Variants in LRP2BP observed in about 807,000 individuals in gnomAD.
LRP2BP encodes the protein LRP2-binding protein.
Under a neutral mutation model 45.2 loss-of-function variants are expected in LRP2BP, and 38 were observed. The ratio of observed to expected loss-of-function variants is 0.84; its 90% CI spans 0.65 to 1.10. The LOEUF (loss-of-function observed/expected upper bound fraction) is 1.10, where lower values mean the gene tolerates loss of function less well. Ranked by LOEUF, LRP2BP falls within the 50% of genes least tolerant of loss-of-function variation. The probability of loss-of-function intolerance (pLI) is 0.00; values close to 1 mark genes in which losing one functional copy is unlikely to be tolerated. For missense variants in LRP2BP, 385 were observed against 418.9 expected (o/e 0.92, Z 0.71); for synonymous variants, 153 against 153.9 (o/e 0.99, Z 0.04).
intron 7 of LRP2BP, among the ~76,000 whole-genome samples, chr4:185,371,493 G>T (rs1027154388): frequency 7.3e-6 from 1 of 137,888 alleles, no homozygotes; most frequent in African/African-American, 2.7e-5. Context: ...AGTGAGCCGA[G>T]ATCGCACCAC....
chr4:185,364,991 T>A lies in LRP2BP; in HGVS notation c.*2189A>T, dbSNP rs2095381094. ...TCCATGAGATATCAGCTACAAGGAA[T>A]CTTAGAGAAGGAGTGTGTGTGTGTG... On this transcript the variant is annotated 3_prime_UTR_variant, in exon 9 of 9. Coordinates refer to ENST00000505916, the MANE Select transcript of LRP2BP (RefSeq NM_001377440.1). 1 of 149,746 alleles carries A rather than the reference T, an allele frequency of 6.7e-6. No individual in the cohort carries two copies. The highest frequency in any genetic ancestry group is 1.9e-4 in the East Asian group (1 of 5,136). 9.3% of individuals were successfully genotyped at this position (149,746 alleles called of 1,614,324 possible).
chr4:185,390,835 C>A (rs998523990), intron 1 of LRP2BP: 1 of 152,200 alleles, frequency 6.6e-6, no homozygotes, highest in African/African-American at 2.4e-5. Context: ...TTGAGATGTA[C>A]AGAAAAGCTG....
chr4:185,396,076 G>C (rs894884367), upstream of LRP2BP: 2 of 180,868 alleles, frequency 1.1e-5, no homozygotes, highest in Non-Finnish European at 2.1e-5. Flanking sequence ...CCGCTCTCCC[G>C]GGAGGAGAGC....
intron 1 of LRP2BP, among the ~76,000 whole-genome samples, chr4:185,388,504 C>T (rs1221206785): frequency 1.3e-5 from 1 of 77,200 alleles, no homozygotes; most frequent in Admixed American, 1.3e-4. Flanking sequence ...ATCAGGCCTA[C>T]CTAGGCTATC....
chr4:185,367,907 C>T (rs1017412909), intron 8 of LRP2BP, among the ~76,000 whole-genome samples: 1 of 152,112 alleles, frequency 6.6e-6, no homozygotes, highest in Admixed American at 6.5e-5. Context: ...TGGCCGGGCG[C>T]GGTAGCTCAC....
chr4:185,370,925 T>G, intron 7 of LRP2BP, 111 bp from the exon 8 acceptor site: 5 of 1,174,194 alleles, frequency 4.3e-6, no homozygotes, highest in Non-Finnish European at 6.2e-6. Flanking sequence ...TCTCTACTGC[T>G]TTGAGAACTA....
intron 8 of LRP2BP, chr4:185,370,138 G>C (rs2095410150): frequency 6.2e-6 from 1 of 160,492 alleles, no homozygotes; most frequent in African/African-American, 2.4e-5. Flanking sequence ...ACTTTGAGAT[G>C]TGAAACGCAT....
chr4:185,371,061 CA>C, intron 7 of LRP2BP: 1 of 389,142 alleles, frequency 2.6e-6, no homozygotes, highest in East Asian at 3.9e-5. Flanking sequence ...CACTGGAAAA[CA>C]AAGGTATGTT....
rs147408110 is a variant in LRP2BP, at chr4:185,387,190, G to A, written c.-22+7589C>T. 4.5e-3 allele frequency among the ~76,000 whole-genome samples: 662 copies of A among 147,154 alleles called. 7 individuals carry two copies. Among genetic ancestry groups the A allele is most frequent in the African/African-American group, 0.016 (629 of 39,080 alleles). On this transcript the variant is annotated intron_variant, in intron 1 of 8. Transcript: ENST00000505916. ...AGAGACTGCAGTGAGCCGAGATTGC[G>A]CCCCCGCACTGCAGCCTGGGTGACA...
chr4:185,376,897 A>C lies in LRP2BP; in HGVS notation c.216+12T>G, dbSNP rs1165550720. ...TTACAGGAAATGAAAACGAATAAAC[A>C]AAAAATGATACCTCTTCAAAATATA... On this transcript the variant is annotated intron_variant, in intron 3 of 8. Transcript: ENST00000505916. The C allele has an allele frequency of 6.3e-7, 1 of 1,584,926 alleles. No homozygotes were observed. The highest frequency in any genetic ancestry group is 2.2e-5 in the East Asian group (1 of 44,672).
chr4:185,370,927 T>C, intron 7 of LRP2BP, 113 bp from the exon 8 acceptor site: 1 of 1,164,538 alleles, frequency 8.6e-7, no homozygotes. Flanking sequence ...TCTACTGCTT[T>C]GAGAACTAAG....
At chr4:185,369,703 A>G (rs1215119381) in intron 8 of LRP2BP, 2 of 416,434 alleles carry the variant, frequency 4.8e-6, no homozygotes, top group African/African-American at 2.1e-5. Flanking sequence ...TTTTAATTTT[A>G]AAGTAATTTA....
intron 1 of LRP2BP, among the ~76,000 whole-genome samples, chr4:185,394,316 T>TTAG (rs10673106): frequency 0.8 from 119,931 of 149,892 alleles, 48,966 homozygotes; most frequent in East Asian, 0.99. Flanking sequence ...GAAACCAATC[T>TTAG]TAGCCTGAAT....
intron 3 of LRP2BP, 75 bp downstream of exon 3, chr4:185,376,834 T>G: frequency 3.0e-6 from 3 of 1,007,942 alleles, no homozygotes; most frequent in South Asian, 1.4e-5. Context: ...AGTAAGAAAC[T>G]CTACATGAAA....
At chr4:185,368,942 C>T (rs2095403743) in intron 8 of LRP2BP, among the ~76,000 whole-genome samples, 3 of 151,502 alleles carry the variant, frequency 2.0e-5, no homozygotes, top group East Asian at 2.0e-4. Context: ...TATGGACATG[C>T]GTTACCATGA....
chr4:185,396,416 C>G (rs1033300162), upstream of LRP2BP: 1 of 153,464 alleles, frequency 6.5e-6, no homozygotes, highest in African/African-American at 2.4e-5. Flanking sequence ...CCGAAACTCC[C>G]GCTTCTCCGT....
At chr4:185,394,525 A>T (rs1173912643) in intron 1 of LRP2BP, among the ~76,000 whole-genome samples, 2 of 152,186 alleles carry the variant, frequency 1.3e-5, no homozygotes, top group Non-Finnish European at 2.9e-5. Flanking sequence ...GTGCTCAATT[A>T]ATGTCAATTT....
chr4:185,391,716 C>T (rs2095488922), intron 1 of LRP2BP, among the ~76,000 whole-genome samples: 1 of 152,146 alleles, frequency 6.6e-6, no homozygotes, highest in Non-Finnish European at 1.5e-5. Context: ...ATGCTCTAGG[C>T]TCATCTTGTA....
intron 6 of LRP2BP, among the ~76,000 whole-genome samples, chr4:185,373,521 T>C (rs1198563469): frequency 6.6e-6 from 1 of 152,236 alleles, no homozygotes; most frequent in Non-Finnish European, 1.5e-5. Flanking sequence ...GGATAAACGC[T>C]GTATGTAGGC....
Sources: allele counts gnomAD v4.1 joint callset (sites outside exome capture counted in the v4.1 genomes callset), GRCh38; gene constraint gnomAD v4.1.1; transcripts MANE v1.5; gene names NCBI Gene and HGNC (gene_info 2026-07-23, HGNC 2026-07-21).